Variants in AKAP13 observed in about 807,000 individuals in gnomAD.
The protein encoded by AKAP13 is A-kinase anchoring protein 13.
Under a neutral mutation model 264.5 loss-of-function variants are expected in AKAP13, and 80 were observed. The ratio of observed to expected loss-of-function variants is 0.30; its 90% CI spans 0.25 to 0.36. The LOEUF is 0.36. Among genes scored for constraint, AKAP13 ranks in the 10% least tolerant of loss-of-function variants. The pLI is 1.00. For synonymous variants in AKAP13, 1,380 were observed against 1,250.2 expected (o/e 1.10, Z -2.19); for missense variants, 3,712 against 3,435.2 (o/e 1.08, Z -2.01).
Position 85,605,623 on chromosome 15 carries a change from C to T in AKAP13, c.4161+19800C>T, listed in dbSNP as rs191899182. ...CCTCCCGAGTCATGCACATGTAGCC[C>T]GGAACTTAAAATAAAATTGTTTTAA... On this transcript the variant is annotated intron_variant, in intron 8 of 36. Coordinates refer to ENST00000394518, the MANE Select transcript of AKAP13 (RefSeq NM_007200.5). Among the ~76,000 whole-genome samples the T allele has an allele frequency of 2.8e-4, 42 of 151,972 alleles. No individual in the cohort carries two copies. In the East Asian group the frequency reaches 7.7e-3, roughly 28 times the overall value.
At chr15:85,499,843 G>T (rs904219345) in intron 2 of AKAP13, among the ~76,000 whole-genome samples, 2 of 152,090 alleles carry the variant, frequency 1.3e-5, no homozygotes, top group African/African-American at 4.8e-5. Context: ...ATGCACATTT[G>T]TATGCATGCC....
At chr15:85,734,774 T>A (rs1433602372) in intron 30 of AKAP13, among the ~76,000 whole-genome samples, 2 of 152,244 alleles carry the variant, frequency 1.3e-5, no homozygotes, top group African/African-American at 4.8e-5. Flanking sequence ...TTCCTAGGCC[T>A]CTTGCATATA....
At chr15:85,721,847 C>T in intron 23 of AKAP13, 144 bp from the exon 24 acceptor site, 1 of 1,354,288 alleles carries the variant, frequency 7.4e-7, no homozygotes, top group Non-Finnish European at 9.9e-7. Flanking sequence ...GACTGCTTTC[C>T]AAAGCTGCTG....
intron 5 of AKAP13, among the ~76,000 whole-genome samples, chr15:85,566,832 G>A (rs1379378518): frequency 6.6e-6 from 1 of 151,816 alleles, no homozygotes; most frequent in African/African-American, 2.4e-5. Context: ...GTTTCCCAGT[G>A]TTAGCCAGGA....
intron 8 of AKAP13, among the ~76,000 whole-genome samples, chr15:85,606,577 A>G (rs1340258426): frequency 1.3e-5 from 2 of 152,206 alleles, no homozygotes; most frequent in Admixed American, 6.5e-5. Flanking sequence ...TAATTGATGG[A>G]TGAGTGCTAA....
At chr15:85,404,914 TATC>T (rs1187447095) in intron 1 of AKAP13, among the ~76,000 whole-genome samples, 1 of 152,200 alleles carries the variant, frequency 6.6e-6, no homozygotes, top group Non-Finnish European at 1.5e-5. Flanking sequence ...TTCTAGCTAT[TATC>T]ATTGTGTGTG....
At chr15:85,456,065 C>A (rs900665298) in intron 1 of AKAP13, among the ~76,000 whole-genome samples, 6 of 152,188 alleles carry the variant, frequency 3.9e-5, no homozygotes, top group African/African-American at 1.4e-4. Context: ...AGTCTTAGAT[C>A]TTCCTTATTT....
intron 17 of AKAP13, among the ~76,000 whole-genome samples, chr15:85,707,743 T>C (rs2086383277): frequency 6.6e-6 from 1 of 151,988 alleles, no homozygotes; most frequent in African/African-American, 2.4e-5. Flanking sequence ...CTTGAGTCGT[T>C]GTTCCTCTCA....
intron 8 of AKAP13, 74 bp from the exon 9 acceptor site, chr15:85,639,300 C>T (rs2082200838): frequency 9.8e-7 from 1 of 1,020,972 alleles, no homozygotes. Context: ...GGTCAGTTGA[C>T]ATAATTTTGG....
Position 85,747,129 on chromosome 15 carries a change from T to C in AKAP13, c.*2452T>C, listed in dbSNP as rs1339183958. The C allele has an allele frequency of 6.6e-6, 1 of 152,220 alleles. No individual in the cohort carries two copies. The highest frequency in any genetic ancestry group is 2.4e-5 in the African/African-American group (1 of 41,442). The allele number at this position is 152,220 out of a possible 1,614,324, so 9.4% of individuals were successfully genotyped here. A position where few individuals can be genotyped will look rare whatever the true frequency, so the allele number is the denominator to read the frequency against. On this transcript the variant is annotated 3_prime_UTR_variant, in exon 37 of 37. Transcript: ENST00000394518. The stretch of plus-strand genomic sequence containing the variant: ...TTGGACAAGTTTAAAATCAAAGTAG[T>C]GCCCGGAATTCCCTCAAACCACCCA...
At chr15:85,474,619 A>T (rs2075087001) in intron 1 of AKAP13, among the ~76,000 whole-genome samples, 1 of 152,170 alleles carries the variant, frequency 6.6e-6, no homozygotes, top group Admixed American at 6.5e-5. Flanking sequence ...AGAATATTGA[A>T]GTTTTCCTCA....
At chr15:85,512,821 GTA>G in intron 2 of AKAP13, among the ~76,000 whole-genome samples, 1 of 28,926 alleles carries the variant, frequency 3.5e-5, no homozygotes, top group African/African-American at 5.9e-5. Flanking sequence ...TTTTATGTAT[GTA>G]TGTATGTATG....
intron 17 of AKAP13, among the ~76,000 whole-genome samples, chr15:85,704,366 C>T (rs1012171843): frequency 1.3e-5 from 2 of 152,086 alleles, no homozygotes; most frequent in African/African-American, 4.8e-5. Flanking sequence ...AAGTTAGCCT[C>T]GCTAATGGTT....
Position 85,731,955 on chromosome 15 carries a change from C to T in AKAP13, c.7282+1248C>T, listed in dbSNP as rs146379054. Among the ~76,000 whole-genome samples, 6 of 151,954 alleles carry T rather than the reference C, an allele frequency of 3.9e-5. No individual in the cohort carries two copies. In the East Asian group the frequency reaches 5.8e-4, roughly 15 times the overall value. ...AAAATTAGCCAGGTGTGGTGACATG[C>T]GGCTGTAGTCCCAGCTCCTCAGGAG... On this transcript the variant is annotated intron_variant, in intron 30 of 36. Transcript: ENST00000394518.
At position 85,585,631 on chromosome 15, in the gene AKAP13, ATGT is replaced by A. The variant is rs548358191; in HGVS notation, c.4040-67_4040-65del. On this transcript the variant is annotated intron_variant, in intron 7 of 36. Transcript: ENST00000394518. ...AAACAAAACACATGAAACCTGGAGC[ATGT>A]TGTATGAATAGTAAGGCACAGGAAT... The A allele has an allele frequency of 1.8e-4, 286 of 1,593,014 alleles. No homozygotes were observed. The African/African-American group carries it at 3.2e-3, about 18-fold the overall frequency.
intron 19 of AKAP13, among the ~76,000 whole-genome samples, chr15:85,712,630 G>A (rs12907748): frequency 0.2 from 29,907 of 151,468 alleles, 3,100 homozygotes; most frequent in East Asian, 0.35. Flanking sequence ...TGCAACATCC[G>A]CCTTCTGGGT....
At chr15:85,618,048 C>G (rs1323605295) in intron 8 of AKAP13, among the ~76,000 whole-genome samples, 1 of 152,220 alleles carries the variant, frequency 6.6e-6, no homozygotes, top group Non-Finnish European at 1.5e-5. Flanking sequence ...GGTTGTCCGC[C>G]TTCATTCCTC....
chr15:85,595,279 T>G (rs562535154), intron 8 of AKAP13, among the ~76,000 whole-genome samples: 5 of 152,026 alleles, frequency 3.3e-5, no homozygotes, highest in Non-Finnish European at 7.4e-5. Flanking sequence ...TTTAAATTTT[T>G]GTAGAGACAC....
At chr15:85,415,762 C>A in intron 1 of AKAP13, 1 of 596,718 alleles carries the variant, frequency 1.7e-6, no homozygotes, top group South Asian at 2.1e-5. Flanking sequence ...TTATCCCAAA[C>A]ATTTTACATA....
Sources: gnomAD v4.1 joint callset for allele counts (sites outside exome capture counted in the v4.1 genomes callset) on GRCh38, gnomAD v4.1.1 for gene constraint, MANE v1.5 for transcripts, NCBI Gene and HGNC (gene_info 2026-07-23, HGNC 2026-07-21) for gene names.